SPEF2: variants seen among roughly 807,000 people sequenced by gnomAD.
The protein encoded by SPEF2 is sperm flagella and cilia-associated protein 2.
In SPEF2, 187 loss-of-function variants were observed where a neutral mutation model predicts 224.6. That is an observed-to-expected ratio of 0.83 (90% CI 0.74 to 0.94). The LOEUF is 0.94. Ranked by LOEUF, SPEF2 falls within the 40% of genes least tolerant of loss-of-function variation. SPEF2 has a pLI of 0.00. For missense variants in SPEF2, 2,170 were observed against 2,135.6 expected (o/e 1.02, Z -0.32); for synonymous variants, 715 against 707.3 (o/e 1.01, Z -0.17).
chr5:35,727,550 C>T (rs777860249), intron 20 of SPEF2, 125 bp from the exon 21 acceptor site: 7 of 752,628 alleles, frequency 9.3e-6, no homozygotes, highest in Non-Finnish European at 1.4e-5. Context: ...TAAGACTCCT[C>T]AAAAAAGCTT....
At chr5:35,709,292 G>A (rs1740633589) in intron 19 of SPEF2, 171 bp downstream of exon 19, 1 of 1,430,368 alleles carries the variant, frequency 7.0e-7, no homozygotes, top group Admixed American at 3.0e-5. Context: ...TAAAAGCGTA[G>A]TTGTTACAAA....
chr5:35,704,597 A>T lies in SPEF2; in HGVS notation c.2442A>T (p.Gln814His), dbSNP rs1386229753. 6.2e-7 allele frequency: 1 copy of T among 1,613,032 alleles called. No individual in the cohort carries two copies. The highest frequency in any genetic ancestry group is 1.7e-5 in the Admixed American group (1 of 59,962). Reference sequence around the variant, plus strand: ...AAACTGCTCACGAAGATATCAGTCAACGTGTAGCTGCTGAAAACCAAGATA... The same window carrying T: ...AAACTGCTCACGAAGATATCAGTCATCGTGTAGCTGCTGAAAACCAAGATA... ...SYKTAHEDISQRVAAENQDKD... is the reference protein window; with the variant it reads ...SYKTAHEDISHRVAAENQDKD... The change falls in exon 17 of 37, where the codon CAA becomes CAT. Residue 814 changes from glutamine to histidine, a missense_variant. Transcript: ENST00000356031.
At chr5:35,715,588 C>CTCTTCCTCTGGGTGATTAGATAATG (rs1742389900) in intron 20 of SPEF2, among the ~76,000 whole-genome samples, 1 of 151,934 alleles carries the variant, frequency 6.6e-6, no homozygotes, top group South Asian at 2.1e-4. Flanking sequence ...ATAATGGGCG[C>CTCTTCCTCTGGGTGATTAGATAATG]CTCAAAATGA....
At chr5:35,786,520 C>T (rs953129658) in intron 30 of SPEF2, among the ~76,000 whole-genome samples, 6 of 152,014 alleles carry the variant, frequency 3.9e-5, no homozygotes, top group Non-Finnish European at 8.8e-5. Flanking sequence ...ATTAGCCGGG[C>T]GTGGTGGCAG....
chr5:35,751,096 C>CACAT (rs1554048857), intron 23 of SPEF2, among the ~76,000 whole-genome samples: 352 of 30,406 alleles, frequency 0.012, 21 homozygotes, highest in Admixed American at 0.014. Context: ...CACACACACA[C>CACAT]ATATATATAT....
chr5:35,785,227 A>G (rs1339374734), intron 30 of SPEF2, among the ~76,000 whole-genome samples: 6 of 152,142 alleles, frequency 3.9e-5, no homozygotes, highest in Non-Finnish European at 7.4e-5. Context: ...GCTTCCTTCA[A>G]TGGGTGAATT....
chr5:35,680,583 G>A (rs889315975), intron 10 of SPEF2, among the ~76,000 whole-genome samples: 2 of 152,172 alleles, frequency 1.3e-5, no homozygotes, highest in African/African-American at 2.4e-5. Context: ...AAATAAGACA[G>A]AGATCCTTCC....
In SPEF2 at chr5:35,649,392, C is replaced by T; in HGVS notation, c.758C>T (p.Ala253Val). The T allele has an allele frequency of 3.7e-6, 6 of 1,611,496 alleles. No homozygotes were observed. The highest frequency in any genetic ancestry group is 5.1e-6 in the Non-Finnish European group (6 of 1,179,004). ...GCTGATGAAATTAAGAAGTTCGAAGCATTAATAAAAAAGGATCTCCAAGCA... is the reference window on the plus strand; with the variant it reads ...GCTGATGAAATTAAGAAGTTCGAAGTATTAATAAAAAAGGATCTCCAAGCA... Reference protein sequence around the residue: ...DVADEIKKFEALIKKDLQAKE... With the variant: ...DVADEIKKFEVLIKKDLQAKE... Residue 253 changes from alanine (A) to valine (V), a missense_variant, in exon 6 of 37, where the codon GCA becomes GTA. Transcript: ENST00000356031.
At chr5:35,807,736 A>G in intron 36 of SPEF2, 41 of 1,536,086 alleles carry the variant, frequency 2.7e-5, no homozygotes, top group Non-Finnish European at 3.4e-5. Flanking sequence ...AACTAAGGAC[A>G]AACCCCAGAG....
rs1280029611 is a variant in SPEF2 at position 35,641,569 on chromosome 5, G to A, written c.300G>A (p.Leu100=). The A allele has an allele frequency of 3.7e-6, 6 of 1,613,676 alleles. No individual in the cohort carries two copies. The Admixed American group carries it at 8.3e-5, about 22-fold the overall frequency. ...TGGCAACAAAGCTGTTATATCAATT[G>A]TACATTGCTCTTCAGAAAAAGAAGA... is the stretch of plus-strand genomic sequence containing the variant. ...PGVATKLLYQ[L]YIALQKKKKS... Residue 100 remains leucine, a synonymous_variant, in exon 3 of 37, where the codon TTG becomes TTA. Coordinates refer to ENST00000356031, the MANE Select transcript of SPEF2 (RefSeq NM_024867.4).
At chr5:35,793,960 CA>C (rs1253793443) in intron 32 of SPEF2, among the ~76,000 whole-genome samples, 1 of 152,130 alleles carries the variant, frequency 6.6e-6, no homozygotes, top group Non-Finnish European at 1.5e-5. Flanking sequence ...TGAGATCACT[CA>C]AGGAAAGTAA....
chr5:35,806,256 G>A (rs539415655), intron 34 of SPEF2, among the ~76,000 whole-genome samples: 20 of 152,288 alleles, frequency 1.3e-4, no homozygotes, highest in Non-Finnish European at 2.4e-4. Context: ...CCTTCTGAGT[G>A]TTTAGTTGGG....
At position 35,722,012 on chromosome 5, in the gene SPEF2, A is replaced by G. The variant is rs578206165; in HGVS notation, c.2915-5663A>G. On this transcript the variant is annotated intron_variant, in intron 20 of 36. Transcript: ENST00000356031. Reference sequence around the variant, plus strand: ...AATTAAAGCTTTACAGAAAATATGAACAGTATTAGTTGAGGGCCTGGCCTA... The same window carrying G: ...AATTAAAGCTTTACAGAAAATATGAGCAGTATTAGTTGAGGGCCTGGCCTA... Among the ~76,000 whole-genome samples, 101 of 152,298 alleles carry G rather than the reference A, an allele frequency of 6.6e-4. 1 individual carries two copies. The highest frequency in any genetic ancestry group is 2.3e-3 in the African/African-American group (97 of 41,572).
At chr5:35,792,790 G>A (rs1391137473) in intron 31 of SPEF2, among the ~76,000 whole-genome samples, 3 of 152,152 alleles carry the variant, frequency 2.0e-5, no homozygotes, top group Non-Finnish European at 4.4e-5. Flanking sequence ...CCTTAAGAAT[G>A]TTCAGAAAAC....
chr5:35,631,823 C>T (rs975788125), intron 2 of SPEF2, among the ~76,000 whole-genome samples: 13 of 152,172 alleles, frequency 8.5e-5, no homozygotes, highest in African/African-American at 3.1e-4. Flanking sequence ...TTGTCACAAA[C>T]TGAGTACTAC....
intron 10 of SPEF2, chr5:35,671,094 A>G: frequency 1.0e-6 from 1 of 985,416 alleles, no homozygotes; most frequent in Non-Finnish European, 1.2e-6. Flanking sequence ...TATTAGAAAA[A>G]TTACAAAATG....
At chr5:35,626,419 A>G (rs1055080994) in intron 1 of SPEF2, among the ~76,000 whole-genome samples, 1 of 152,186 alleles carries the variant, frequency 6.6e-6, no homozygotes, top group Admixed American at 6.5e-5. Context: ...GGACTTTAAG[A>G]ATAGATGCAA....
At chr5:35,638,733 A>G (rs1330163198) in intron 2 of SPEF2, among the ~76,000 whole-genome samples, 1 of 152,190 alleles carries the variant, frequency 6.6e-6, no homozygotes, top group Non-Finnish European at 1.5e-5. Context: ...TTAATGAATG[A>G]TAAATGAATG....
chr5:35,749,057 A>T (rs1749008238), intron 23 of SPEF2, among the ~76,000 whole-genome samples: 1 of 152,220 alleles, frequency 6.6e-6, no homozygotes, highest in Non-Finnish European at 1.5e-5. Context: ...GTGATACACC[A>T]CATAAACAGA....
Sources: allele counts gnomAD v4.1 joint callset (sites outside exome capture counted in the v4.1 genomes callset), GRCh38; gene constraint gnomAD v4.1.1; transcripts MANE v1.5; gene names NCBI Gene and HGNC (gene_info 2026-07-23, HGNC 2026-07-21).